Variants in ARID5B observed in about 807,000 individuals in gnomAD.
ARID5B encodes the protein AT-rich interactive domain-containing protein 5B.
A neutral mutation model predicts 97.2 loss-of-function variants in ARID5B; 13 were observed. That is an observed-to-expected ratio of 0.13 (90% CI 0.09 to 0.21). The LOEUF is 0.21. ARID5B is among the 10% of genes least tolerant of loss of function. The pLI is 1.00. For synonymous variants in ARID5B, 556 were observed against 570.3 expected (o/e 0.97, Z 0.36); for missense variants, 1,210 against 1,465.3 (o/e 0.83, Z 2.84).
chr10:61,930,601 TC>T (rs1844188622), intron 2 of ARID5B, among the ~76,000 whole-genome samples: 1 of 151,822 alleles, frequency 6.6e-6, no homozygotes, highest in African/African-American at 2.4e-5. Context: ...GCACCTGTAG[TC>T]CCAGCTACTC....
chr10:61,993,110 G>A (rs1192979914), intron 3 of ARID5B, among the ~76,000 whole-genome samples: 2 of 117,646 alleles, frequency 1.7e-5, no homozygotes, highest in East Asian at 4.9e-4. Flanking sequence ...GCTTTGATGA[G>A]GAAGGGAGAT....
Position 62,007,808 on chromosome 10 carries a change from C to T in ARID5B, c.733+7487C>T, listed in dbSNP as rs553324323. Among the ~76,000 whole-genome samples, 3 of 152,158 alleles carry T rather than the reference C, an allele frequency of 2.0e-5. No homozygotes were observed. In the South Asian group the frequency reaches 6.2e-4, roughly 32 times the overall value. On this transcript the variant is annotated intron_variant, in intron 4 of 9. Transcript: ENST00000279873. ...TCCAGAAATACTTGTTTGTTTGTCC[C>T]TCTGCATGGAATGTATATCCCCAGA... is the stretch of plus-strand genomic sequence containing the variant.
At chr10:62,056,083 A>T (rs759104789) in intron 5 of ARID5B, among the ~76,000 whole-genome samples, 2 of 152,118 alleles carry the variant, frequency 1.3e-5, no homozygotes, top group African/African-American at 2.4e-5. Context: ...CCCCTTTTAC[A>T]ATTAAAATAG....
intron 2 of ARID5B, among the ~76,000 whole-genome samples, chr10:61,909,236 C>T (rs74156277): frequency 3.4e-4 from 51 of 152,054 alleles, no homozygotes; most frequent in African/African-American, 1.1e-3. Flanking sequence ...ATGCTCCCCC[C>T]ACCATAGTGC....
chr10:61,968,175 CACACATATTTAT>C (rs1156432522), intron 3 of ARID5B, among the ~76,000 whole-genome samples: 1 of 134,444 alleles, frequency 7.4e-6, no homozygotes, highest in Admixed American at 7.7e-5. Context: ...TCAGCACACA[CACACATATTTAT>C]ACACACACAC....
intron 3 of ARID5B, among the ~76,000 whole-genome samples, chr10:61,947,153 G>T (rs796206554): frequency 6.6e-6 from 1 of 151,700 alleles, no homozygotes; most frequent in Non-Finnish European, 1.5e-5. Context: ...GCCTCATGCC[G>T]TTATAATGTG....
At chr10:62,084,735 CA>C (rs1326523223) in intron 8 of ARID5B, among the ~76,000 whole-genome samples, 1 of 152,174 alleles carries the variant, frequency 6.6e-6, no homozygotes, top group Non-Finnish European at 1.5e-5. Context: ...AAAGGGAAAA[CA>C]GATTAAAACT....
At chr10:62,075,487 C>G (rs568010559) in intron 8 of ARID5B, among the ~76,000 whole-genome samples, 9 of 152,272 alleles carry the variant, frequency 5.9e-5, no homozygotes, top group Middle Eastern at 3.4e-3. Context: ...CGCTCTTACT[C>G]TGCTCTACAC....
intron 3 of ARID5B, among the ~76,000 whole-genome samples, chr10:61,965,038 T>C (rs947283351): frequency 2.0e-5 from 3 of 152,204 alleles, no homozygotes; most frequent in African/African-American, 7.2e-5. Context: ...CGGAAATCAT[T>C]TGCCAGCATG....
At chr10:62,045,441 C>A in intron 4 of ARID5B, among the ~76,000 whole-genome samples, 1 of 115,486 alleles carries the variant, frequency 8.7e-6, no homozygotes, top group Non-Finnish European at 1.8e-5. Context: ...TGAAACTTGC[C>A]AGGGTATTTT....
At chr10:61,921,611 C>T (rs1844016449) in intron 2 of ARID5B, among the ~76,000 whole-genome samples, 1 of 152,152 alleles carries the variant, frequency 6.6e-6, no homozygotes, top group Non-Finnish European at 1.5e-5. Flanking sequence ...CATCCCATCA[C>T]TTTTGCCTAA....
chr10:61,948,492 G>T (rs555376140), intron 3 of ARID5B, among the ~76,000 whole-genome samples: 1 of 142,256 alleles, frequency 7.0e-6, no homozygotes, highest in Non-Finnish European at 1.5e-5. Context: ...TCAGCCTCCC[G>T]AGTAGCTGGG....
rs1179299148 is a variant in ARID5B, at chr10:61,980,599, A to G, written c.503-19492A>G. ...ACCAGTTGCAAATGAAATGAATTGT[A>G]TTATAACCATCTTGGAAAAATAGCT... On this transcript the variant is annotated intron_variant, in intron 3 of 9. Coordinates refer to ENST00000279873, the MANE Select transcript of ARID5B (RefSeq NM_032199.3). Among the ~76,000 whole-genome samples the G allele has an allele frequency of 4.6e-5, 7 of 152,358 alleles. No individual in the cohort carries two copies. In the South Asian group the frequency reaches 1.2e-3, roughly 27 times the overall value.
intron 4 of ARID5B, among the ~76,000 whole-genome samples, chr10:62,023,654 A>C (rs1839383669): frequency 6.6e-6 from 1 of 152,234 alleles, no homozygotes. Context: ...AAGTGGGGGA[A>C]TACATAGCTG....
Position 62,091,844 on chromosome 10 carries a change from A to C in ARID5B, c.2381A>C (p.Asn794Thr). 6.2e-7 allele frequency: 1 copy of C among 1,613,882 alleles called. No homozygotes were observed. The highest frequency in any genetic ancestry group is 1.3e-5 in the African/African-American group (1 of 74,936). Residue 794 changes from asparagine to threonine, a missense_variant, in exon 10 of 10, where the codon AAC (asparagine) becomes ACC (threonine). This residue lies in a region of ARID5B where 800 missense variants were observed against 839.1 expected (regional missense o/e 0.95). Transcript: ENST00000279873. Reference protein sequence around the residue: ...HRCSFSKHHLNPLADSYVLKQ... With the variant: ...HRCSFSKHHLTPLADSYVLKQ... ...TGCAGCTTCTCCAAGCATCACCTTA[A>C]CCCCCTTGCTGACTCCTACGTCCTG...
chr10:61,998,582 A>C (rs1839033688), intron 3 of ARID5B, among the ~76,000 whole-genome samples: 1 of 152,246 alleles, frequency 6.6e-6, no homozygotes, highest in African/African-American at 2.4e-5. Context: ...ACAAATGAGC[A>C]CAAAATAAAG....
rs535718190 is a variant in ARID5B at position 61,982,873 on chromosome 10, A to C, written c.503-17218A>C. The stretch of plus-strand genomic sequence containing the variant: ...CACGGACCAACTTGCAATAAGAAAT[A>C]AACCCCCGCCAAGGTGATGAATTAT... On this transcript the variant is annotated intron_variant, in intron 3 of 9. Transcript: ENST00000279873. Among the ~76,000 whole-genome samples the C allele has an allele frequency of 2.0e-5, 3 of 152,368 alleles. No homozygotes were observed. The East Asian group carries it at 5.8e-4, about 29-fold the overall frequency.
chr10:61,952,871 G>A (rs1589232836), intron 3 of ARID5B, among the ~76,000 whole-genome samples: 1 of 147,182 alleles, frequency 6.8e-6, no homozygotes. Flanking sequence ...TGTGTGTGTG[G>A]ACATTTTACA....
intron 9 of ARID5B, among the ~76,000 whole-genome samples, chr10:62,088,369 T>A (rs997452047): frequency 1.3e-5 from 2 of 152,246 alleles, no homozygotes; most frequent in African/African-American, 4.8e-5. Context: ...AGGGGACAGC[T>A]GACCGTTGAA....
Sources: gnomAD v4.1 joint callset for allele counts (sites outside exome capture counted in the v4.1 genomes callset) on GRCh38, gnomAD v4.1.1 for gene constraint, gnomAD v4.1.1 regional missense constraint, MANE v1.5 for transcripts, NCBI Gene and HGNC (gene_info 2026-07-23, HGNC 2026-07-21) for gene names.